Variants in PAWR observed in about 807,000 individuals in gnomAD.
PAWR encodes the protein PRKC apoptosis WT1 regulator protein.
A neutral mutation model predicts 32.0 loss-of-function variants in PAWR; 23 were observed. The ratio of observed to expected loss-of-function variants is 0.72; its 90% confidence interval spans 0.52 to 1.02. PAWR has a LOEUF of 1.02. PAWR is among the 50% of genes least tolerant of loss of function. The probability of loss-of-function intolerance (pLI) is 0.00; values close to 1 mark genes in which losing one functional copy is unlikely to be tolerated. For synonymous variants in PAWR, 226 were observed against 187.1 expected (o/e 1.21, Z -1.70); for missense variants, 457 against 437.7 (o/e 1.04, Z -0.39).
At chr12:79,667,320 C>T (rs1053665932) in intron 2 of PAWR, among the ~76,000 whole-genome samples, 1 of 152,168 alleles carries the variant, frequency 6.6e-6, no homozygotes, top group African/African-American at 2.4e-5. Context: ...CAAAATACCA[C>T]ATATAATGTA....
rs1441505398 is a variant in PAWR at position 79,689,649 on chromosome 12, C to A, written c.516+80G>T. ...GCCAGGGGAGGTAAACTCTGCGCCC[C>A]GGGTAGCTCCCAGGAGGAAGACACC... On this transcript the variant is annotated intron_variant, in intron 2 of 6. Coordinates refer to ENST00000328827, the MANE Select transcript of PAWR (RefSeq NM_002583.4). 3.4e-6 allele frequency: 5 copies of A among 1,464,492 alleles called. No individual in the cohort carries two copies. The African/African-American group carries it at 4.3e-5, about 13-fold the overall frequency. 90.7% of individuals were successfully genotyped at this position (1,464,492 alleles called of 1,614,324 possible).
At chr12:79,632,545 A>C (rs73343684) in intron 2 of PAWR, among the ~76,000 whole-genome samples, 2,821 of 149,662 alleles carry the variant, frequency 0.019, 104 homozygotes, top group African/African-American at 0.066. Flanking sequence ...TGTTTTGTTT[A>C]GTTTTTTGTA....
intron 2 of PAWR, among the ~76,000 whole-genome samples, chr12:79,641,624 G>A (rs551073100): frequency 1.1e-4 from 17 of 152,002 alleles, no homozygotes; most frequent in South Asian, 2.1e-4. Flanking sequence ...CGAGGTGGGC[G>A]GATCACGAGA....
At chr12:79,607,749 T>A (rs868486415) in intron 4 of PAWR, among the ~76,000 whole-genome samples, 2,167 of 138,340 alleles carry the variant, frequency 0.016, 25 homozygotes, top group Admixed American at 0.032. Context: ...AAAAAAATAA[T>A]AATAATAATA....
chr12:79,628,708 GA>G (rs1381466906), intron 2 of PAWR, among the ~76,000 whole-genome samples: 41 of 152,190 alleles, frequency 2.7e-4, no homozygotes, highest in African/African-American at 9.4e-4. Context: ...TCAAAGGAAT[GA>G]AGAACATCCA....
At chr12:79,664,667 GA>G (rs1449756692) in intron 2 of PAWR, among the ~76,000 whole-genome samples, 11 of 146,464 alleles carry the variant, frequency 7.5e-5, no homozygotes, top group African/African-American at 1.8e-4. Flanking sequence ...GCGGGGGGGG[GA>G]GGAGAGAGAG....
chr12:79,657,934 C>G (rs1444631533), intron 2 of PAWR, among the ~76,000 whole-genome samples: 1 of 151,904 alleles, frequency 6.6e-6, no homozygotes, highest in Admixed American at 6.6e-5. Flanking sequence ...GTCATTGAAG[C>G]AAAGGGGGAA....
intron 4 of PAWR, among the ~76,000 whole-genome samples, chr12:79,605,295 A>G (rs914550917): frequency 6.6e-6 from 1 of 152,120 alleles, no homozygotes; most frequent in Non-Finnish European, 1.5e-5. Flanking sequence ...GAATTATCCT[A>G]AAGAGATCAA....
chr12:79,685,234 G>T (rs1233059687), intron 2 of PAWR, among the ~76,000 whole-genome samples: 1 of 152,120 alleles, frequency 6.6e-6, no homozygotes, highest in Non-Finnish European at 1.5e-5. Flanking sequence ...ACACTAAACA[G>T]TCTCAGTGTT....
intron 4 of PAWR, among the ~76,000 whole-genome samples, chr12:79,609,070 A>C (rs1193160138): frequency 6.6e-6 from 1 of 152,090 alleles, no homozygotes; most frequent in Non-Finnish European, 1.5e-5. Context: ...ACTCCACCTC[A>C]AAAAAACAAA....
intron 3 of PAWR, among the ~76,000 whole-genome samples, chr12:79,613,931 T>TTATTTATATATATATA (rs1874555542): frequency 2.1e-5 from 1 of 46,762 alleles, no homozygotes; most frequent in African/African-American, 7.1e-5. Context: ...AGTACCACCA[T>TTATTTATATATATATA]TATATATATA....
At chr12:79,669,920 CA>C (rs1006662956) in intron 2 of PAWR, among the ~76,000 whole-genome samples, 1 of 152,070 alleles carries the variant, frequency 6.6e-6, no homozygotes, top group African/African-American at 2.4e-5. Context: ...AGGCTGGTCT[CA>C]AACTCCTGAG....
intron 2 of PAWR, among the ~76,000 whole-genome samples, chr12:79,647,307 T>C (rs529662011): frequency 6.6e-6 from 1 of 152,348 alleles, no homozygotes; most frequent in African/African-American, 2.4e-5. Context: ...TATAATTCCT[T>C]TAAATGTGAT....
At chr12:79,611,348 T>C (rs1198067067) in intron 4 of PAWR, among the ~76,000 whole-genome samples, 1 of 148,922 alleles carries the variant, frequency 6.7e-6, no homozygotes, top group Non-Finnish European at 1.5e-5. Context: ...TTCAGTTATA[T>C]ATATATAAAA....
chr12:79,610,387 A>G (rs1448736430), intron 4 of PAWR, among the ~76,000 whole-genome samples: 1 of 152,184 alleles, frequency 6.6e-6, no homozygotes, highest in East Asian at 1.9e-4. Flanking sequence ...GCATTTCGAA[A>G]GCAAGCATTA....
intron 2 of PAWR, among the ~76,000 whole-genome samples, chr12:79,684,557 G>A (rs1382843147): frequency 6.6e-6 from 1 of 151,874 alleles, no homozygotes; most frequent in Non-Finnish European, 1.5e-5. Context: ...GCTGCAGTGA[G>A]CTGAGATCAC....
At position 79,669,358 on chromosome 12, in the gene PAWR, T is replaced by A. The variant is rs1268481209; in HGVS notation, c.516+20371A>T. 2.0e-5 allele frequency among the ~76,000 whole-genome samples: 3 copies of A among 152,228 alleles called. No individual in the cohort carries two copies. In the East Asian group the frequency reaches 5.8e-4, roughly 29 times the overall value. ...CCATATTACAGAGTAGGGCCATGTC[T>A]ATTCTCAGGACTATGCAAATTTCAA... On this transcript the variant is annotated intron_variant, in intron 2 of 6. Coordinates refer to ENST00000328827, the MANE Select transcript of PAWR (RefSeq NM_002583.4).
chr12:79,604,394 T>C (rs1874086976), intron 4 of PAWR: 2 of 1,019,110 alleles, frequency 2.0e-6, no homozygotes, highest in Non-Finnish European at 1.2e-6. Flanking sequence ...GGGTGTTGTG[T>C]TGGGGAAAAT....
chr12:79,648,307 A>G (rs1257279365), intron 2 of PAWR, among the ~76,000 whole-genome samples: 1 of 152,122 alleles, frequency 6.6e-6, no homozygotes, highest in African/African-American at 2.4e-5. Context: ...ATTTGACAGG[A>G]TGGATTCCTA....
Sources: gnomAD v4.1 joint callset for allele counts (sites outside exome capture counted in the v4.1 genomes callset) on GRCh38, gnomAD v4.1.1 for gene constraint, MANE v1.5 for transcripts, NCBI Gene and HGNC (gene_info 2026-07-23, HGNC 2026-07-21) for gene names.